The following ISM1 variants were observed in gnomAD, a reference collection of about 807,000 sequenced individuals.
The protein encoded by ISM1 is isthmin-1.
ISM1 carries 25 observed loss-of-function variants against 46.3 expected under a neutral mutation model. The ratio of observed to expected loss-of-function variants is 0.54; its 90% CI spans 0.39 to 0.75. ISM1 has a LOEUF of 0.75. Ranked by LOEUF, ISM1 falls within the 30% of genes least tolerant of loss-of-function variation. ISM1 has a pLI of 0.00. For missense variants in ISM1, 536 were observed against 625.4 expected, an observed-to-expected ratio of 0.86 and a Z score of 1.52; for synonymous variants, 255 against 256.7, an observed-to-expected ratio of 0.99 and a Z score of 0.06.
chr20:13,236,032 C>G (rs2039645128), intron 1 of ISM1, among the ~76,000 whole-genome samples: 1 of 151,892 alleles, frequency 6.6e-6, no homozygotes, highest in Non-Finnish European at 1.5e-5. Flanking sequence ...TCAAGCAAGT[C>G]TACTGCCTCA....
At chr20:13,324,971 ATTTG>A in the ISM1 span, among the ~76,000 whole-genome samples, 8 of 152,194 alleles carry the variant, frequency 5.3e-5, no homozygotes, top group Non-Finnish European at 7.3e-5. Flanking sequence ...AATAGAAAAT[ATTTG>A]TTTCTTTTCG....
chr20:13,266,702 T>C (rs1267976971), intron 1 of ISM1, among the ~76,000 whole-genome samples: 1 of 152,236 alleles, frequency 6.6e-6, no homozygotes, highest in African/African-American at 2.4e-5. Flanking sequence ...TTGGAAAGAA[T>C]GGTCATGATG....
At chr20:13,283,573 A>T (rs1018768530) in intron 3 of ISM1, among the ~76,000 whole-genome samples, 2 of 152,224 alleles carry the variant, frequency 1.3e-5, no homozygotes, top group Admixed American at 6.5e-5. Context: ...GTGATGATGA[A>T]AACACAGATG....
chr20:13,254,835 G>A (rs1001147354), intron 1 of ISM1, among the ~76,000 whole-genome samples: 9 of 152,228 alleles, frequency 5.9e-5, no homozygotes, highest in African/African-American at 1.7e-4. Context: ...AGAGATGTAG[G>A]AGGAGTCAAC....
intron 1 of ISM1, among the ~76,000 whole-genome samples, chr20:13,225,085 C>A (rs2039505111): frequency 6.6e-6 from 1 of 151,100 alleles, no homozygotes. Context: ...ACTCTCCTGA[C>A]CTCATGATCC....
chr20:13,241,609 GAC>G (rs2039724443), intron 1 of ISM1, among the ~76,000 whole-genome samples: 1 of 152,166 alleles, frequency 6.6e-6, no homozygotes, highest in Non-Finnish European at 1.5e-5. Flanking sequence ...ACCATCTCAT[GAC>G]TCCTGTTCCA....
At chr20:13,240,460 G>A (rs1187227665) in intron 1 of ISM1, among the ~76,000 whole-genome samples, 1 of 152,190 alleles carries the variant, frequency 6.6e-6, no homozygotes, top group South Asian at 2.1e-4. Context: ...CAGTCAGGCA[G>A]ACGGAATCAC....
chr20:13,317,995 A>G, the ISM1 span, among the ~76,000 whole-genome samples: 16 of 152,096 alleles, frequency 1.1e-4, no homozygotes, highest in South Asian at 8.3e-4. Flanking sequence ...CACTGTCTGC[A>G]TGAAAAAACA....
At chr20:13,292,593 A>G in intron 5 of ISM1, 130 bp downstream of exon 5, 1 of 651,862 alleles carries the variant, frequency 1.5e-6, no homozygotes, top group South Asian at 1.9e-5. Context: ...TGCTCCCAGC[A>G]TGTGTCTTGC....
At chr20:13,249,733 G>GTACT (rs1490661825) in intron 1 of ISM1, among the ~76,000 whole-genome samples, 1 of 152,190 alleles carries the variant, frequency 6.6e-6, no homozygotes, top group Non-Finnish European at 1.5e-5. Context: ...GCCAAAGGAA[G>GTACT]TACTTCTCCT....
rs2039450314 is a variant in ISM1 at position 13,221,705 on chromosome 20, C to T, written c.-72C>T. ...GCTGCCGGGCTCCCGGGCTCCTACT[C>T]CTCCTCCCCCGGCGTCACCGCCGCC... On this transcript the variant is annotated 5_prime_UTR_variant, in exon 1 of 6. Coordinates refer to ENST00000262487, the MANE Select transcript of ISM1 (RefSeq NM_080826.2). 24 of 1,273,962 alleles carry T rather than the reference C, an allele frequency of 1.9e-5. No homozygotes were observed. The highest frequency in any genetic ancestry group is 3.3e-5 in the East Asian group (1 of 30,212). The allele number at this position is 1,273,962 out of a possible 1,614,324, so 78.9% of individuals were successfully genotyped here.
At position 13,225,824 on chromosome 20, in the gene ISM1, G is replaced by A. The variant is rs185661214; in HGVS notation, c.138+3910G>A. ...TTGTCTCATATTAATCAGATACTCA[G>A]ATTAGTTCTTTCACATATATTTAAT... On this transcript the variant is annotated intron_variant, in intron 1 of 5. Transcript: ENST00000262487. 6.0e-4 allele frequency among the ~76,000 whole-genome samples: 92 copies of A among 152,192 alleles called. 1 individual carries two copies. Among genetic ancestry groups the A allele is most frequent in the East Asian group, 3.9e-4 (2 of 5,186 alleles).
At chr20:13,231,768 T>C (rs1197757005) in intron 1 of ISM1, among the ~76,000 whole-genome samples, 2 of 152,138 alleles carry the variant, frequency 1.3e-5, no homozygotes, top group African/African-American at 4.8e-5. Flanking sequence ...GCGAGGTTCA[T>C]GGAATAGAAG....
intron 5 of ISM1, 142 bp from the exon 6 acceptor site, chr20:13,298,800 G>A (rs2040431448): frequency 4.1e-6 from 3 of 737,684 alleles, no homozygotes; most frequent in East Asian, 5.4e-5. Flanking sequence ...TCTAGGACAG[G>A]AGTTGTTGAC....
At chr20:13,289,306 G>C (rs895484145) in intron 4 of ISM1, among the ~76,000 whole-genome samples, 1 of 152,210 alleles carries the variant, frequency 6.6e-6, no homozygotes, top group African/African-American at 2.4e-5. Flanking sequence ...GGTCTGATGA[G>C]GAAGCCAGGA....
chr20:13,299,779 A>G lies in ISM1; in HGVS notation c.*320A>G, dbSNP rs1210744995. ...CGACTCAATTCACACCCGGATCCAGAGTTTCAAAGAGAGGCAAAGGGGGAA... is the reference window on the plus strand; with the variant it reads ...CGACTCAATTCACACCCGGATCCAGGGTTTCAAAGAGAGGCAAAGGGGGAA... On this transcript the variant is annotated 3_prime_UTR_variant, in exon 6 of 6. Transcript: ENST00000262487. The surrounding 1 kb of genome is among the most constrained non-coding windows in gnomAD (Gnocchi z 5.8). 7.7e-6 allele frequency: 2 copies of G among 258,538 alleles called. No individual in the cohort carries two copies. The highest frequency in any genetic ancestry group is 6.8e-5 in the East Asian group (1 of 14,692). The allele number at this position is 258,538 out of a possible 1,614,324, so 16.0% of individuals were successfully genotyped here.
chr20:13,299,058 TACAGCACGGCCG>T lies in ISM1; in HGVS notation c.998_1009del (p.Ser333_Asp336del). The stretch of plus-strand genomic sequence containing the variant: ...CTGCTCCTACCCCACTGAGGTGGCC[TACAGCACGGCCG>T]ACATCTTCGACCGCATCAAGCGCAA... On this transcript the variant is annotated inframe_deletion, in exon 6 of 6. Coordinates refer to ENST00000262487, the MANE Select transcript of ISM1 (RefSeq NM_080826.2). This position sits in a 1 kb window ranked among gnomAD's most constrained non-coding sequence, Gnocchi z 5.8. The T allele has an allele frequency of 6.2e-7, 1 of 1,613,796 alleles. No individual in the cohort carries two copies. The highest frequency in any genetic ancestry group is 8.5e-7 in the Non-Finnish European group (1 of 1,179,842).
At chr20:13,271,013 C>T (rs1297277019) in intron 2 of ISM1, among the ~76,000 whole-genome samples, 1 of 152,100 alleles carries the variant, frequency 6.6e-6, no homozygotes. Flanking sequence ...AAGATACATA[C>T]TAATTTAAGA....
intron 1 of ISM1, among the ~76,000 whole-genome samples, chr20:13,231,844 A>C (rs77740552): frequency 6.6e-6 from 1 of 152,154 alleles, no homozygotes; most frequent in African/African-American, 2.4e-5. Flanking sequence ...CCAATCACCA[A>C]ATATTCAAGA....
Sources: gnomAD v4.1 joint callset for allele counts (sites outside exome capture counted in the v4.1 genomes callset) on GRCh38, gnomAD v4.1.1 for gene constraint, Gnocchi (gnomAD v3.1) non-coding constraint, MANE v1.5 for transcripts, NCBI Gene and HGNC (gene_info 2026-07-23, HGNC 2026-07-21) for gene names.